The following MCMBP variants were observed in gnomAD, a reference collection of about 807,000 sequenced individuals.
The protein encoded by MCMBP is minichromosome maintenance complex binding protein.
MCMBP carries 31 observed loss-of-function variants against 81.3 expected under a neutral mutation model. The ratio of observed to expected loss-of-function variants is 0.38; its 90% CI spans 0.29 to 0.51. The LOEUF is 0.51. MCMBP is among the 20% of genes least tolerant of loss of function. MCMBP has a pLI of 0.87. For missense variants in MCMBP, 645 were observed against 772.1 expected, an observed-to-expected ratio of 0.84 and a Z score of 1.95; for synonymous variants, 267 against 275.9, an observed-to-expected ratio of 0.97 and a Z score of 0.32.
chr10:119,856,017 G>A (rs1376622425), intron 5 of MCMBP, among the ~76,000 whole-genome samples: 1 of 152,146 alleles, frequency 6.6e-6, no homozygotes, highest in Non-Finnish European at 1.5e-5. Flanking sequence ...GAAGTCAAGA[G>A]ATCGAGACCA....
At chr10:119,849,661 G>C in intron 6 of MCMBP, 85 bp from the exon 7 acceptor site, 1 of 1,219,578 alleles carries the variant, frequency 8.2e-7, no homozygotes, top group Non-Finnish European at 1.1e-6. Context: ...TTTCAAGTTT[G>C]ATATACGTGA....
chr10:119,858,794 A>G, intron 4 of MCMBP, 90 bp downstream of exon 4: 2 of 975,850 alleles, frequency 2.0e-6, no homozygotes, highest in East Asian at 5.2e-5. Flanking sequence ...CTTATACACA[A>G]GATAAATAAA....
At chr10:119,851,750 A>G (rs1368607891) in intron 6 of MCMBP, among the ~76,000 whole-genome samples, 3 of 152,248 alleles carry the variant, frequency 2.0e-5, no homozygotes, top group Non-Finnish European at 2.9e-5. Flanking sequence ...TTTTAAACAC[A>G]TTAAAATATA....
intron 13 of MCMBP, among the ~76,000 whole-genome samples, chr10:119,835,933 C>T (rs1852224313): frequency 6.6e-6 from 1 of 152,120 alleles, no homozygotes; most frequent in African/African-American, 2.4e-5. Context: ...GCTTCCCAGG[C>T]TCAAGTGATC....
At chr10:119,857,550 AGATT>A in intron 4 of MCMBP, 111 bp from the exon 5 acceptor site, 2 of 573,856 alleles carry the variant, frequency 3.5e-6, no homozygotes, top group Non-Finnish European at 3.0e-6. Flanking sequence ...AATATTTTAC[AGATT>A]AATTAACAAG....
chr10:119,862,610 T>G (rs1296514492), intron 1 of MCMBP, among the ~76,000 whole-genome samples: 1 of 152,234 alleles, frequency 6.6e-6, no homozygotes, highest in East Asian at 1.9e-4. Flanking sequence ...ACATTTAGAT[T>G]GTCTTCAGGT....
intron 15 of MCMBP, 73 bp from the exon 16 acceptor site, chr10:119,831,673 GGAATACTTT>G: frequency 6.5e-7 from 1 of 1,538,716 alleles, no homozygotes; most frequent in South Asian, 1.2e-5. Flanking sequence ...TTAAGACCTA[GGAATACTTT>G]GTGAAAACAC....
Position 119,838,767 on chromosome 10 carries a change from G to T in MCMBP, c.1243-67C>A, listed in dbSNP as rs1852337916. On this transcript the variant is annotated intron_variant, in intron 11 of 15. Transcript: ENST00000369077. The stretch of plus-strand genomic sequence containing the variant: ...CCTGTTTTAAGAAAATATGTACTTG[G>T]AATTAAACATTGTGTTTCATATGGA... 3 of 1,367,874 alleles carry T rather than the reference G, an allele frequency of 2.2e-6. No homozygotes were observed. The East Asian group carries it at 7.1e-5, about 32-fold the overall frequency. The allele number at this position is 1,367,874 out of a possible 1,614,324, so 84.7% of individuals were successfully genotyped here.
chr10:119,851,969 A>G (rs2134374555), intron 6 of MCMBP, among the ~76,000 whole-genome samples: 1 of 151,974 alleles, frequency 6.6e-6, no homozygotes, highest in South Asian at 2.1e-4. Flanking sequence ...CCTGACCAAC[A>G]TGGAGAAACC....
At chr10:119,845,057 A>C (rs1852570261) in intron 8 of MCMBP, among the ~76,000 whole-genome samples, 1 of 152,184 alleles carries the variant, frequency 6.6e-6, no homozygotes, top group Admixed American at 6.5e-5. Flanking sequence ...CTATCCTATC[A>C]GTTCTGACCC....
At chr10:119,844,790 CT>C (rs1270084885) in intron 8 of MCMBP, among the ~76,000 whole-genome samples, 2 of 149,100 alleles carry the variant, frequency 1.3e-5, no homozygotes, top group Admixed American at 6.6e-5. Context: ...CCGCCTCCAC[CT>C]TTCTCTCATG....
chr10:119,841,061 A>T, intron 10 of MCMBP, 101 bp from the exon 11 acceptor site: 1 of 733,598 alleles, frequency 1.4e-6, no homozygotes, highest in South Asian at 1.6e-5. Flanking sequence ...GTCATTAAAA[A>T]TAAACCAGAA....
At chr10:119,873,113 T>C (rs1371336683), upstream of MCMBP, among the ~76,000 whole-genome samples, 1 of 152,042 alleles carries the variant, frequency 6.6e-6, no homozygotes, top group Non-Finnish European at 1.5e-5. Flanking sequence ...ATAGTGGGCT[T>C]ATAAGAGGGC....
At chr10:119,859,919 C>G in intron 1 of MCMBP, 35 bp from the exon 2 acceptor site, 2 of 1,463,670 alleles carry the variant, frequency 1.4e-6, no homozygotes, top group South Asian at 2.3e-5. Flanking sequence ...AGCTAATGTA[C>G]ATGCAATATA....
Position 119,843,447 on chromosome 10 carries a change from T to TTCAATTTAGAGAGACATCA in MCMBP, c.828-40_828-22dup. 3 of 1,604,084 alleles carry TTCAATTTAGAGAGACATCA rather than the reference T, an allele frequency of 1.9e-6. No homozygotes were observed. In the South Asian group the frequency reaches 3.3e-5, roughly 18 times the overall value. On this transcript the variant is annotated intron_variant, in intron 8 of 15. Transcript: ENST00000369077. ...CATCCCTGTGGAGAGGTGATAAAGTTTCAATTTAGAGAGACATCAATTGCA... is the reference window on the plus strand; with the variant it reads ...CATCCCTGTGGAGAGGTGATAAAGTTTCAATTTAGAGAGACATCATCAATTTAGAGAGACATCAATTGCA...
chr10:119,847,806 A>C, intron 7 of MCMBP, 93 bp from the exon 8 acceptor site: 1 of 662,496 alleles, frequency 1.5e-6, no homozygotes, highest in Non-Finnish European at 2.5e-6. Flanking sequence ...ATTTTAGATC[A>C]GGAAACAGAC....
chr10:119,838,721 G>C (rs1192848107), intron 11 of MCMBP, 21 bp from the exon 12 acceptor site: 2 of 1,580,092 alleles, frequency 1.3e-6, no homozygotes, highest in Non-Finnish European at 1.7e-6. Context: ...AAATTTTTTA[G>C]TGAACAAGAA....
At chr10:119,853,942 G>C (rs1213684944) in intron 5 of MCMBP, among the ~76,000 whole-genome samples, 1 of 152,144 alleles carries the variant, frequency 6.6e-6, no homozygotes, top group Non-Finnish European at 1.5e-5. Context: ...GCTAACATCT[G>C]TAAATCCAAC....
At chr10:119,836,822 G>T in intron 13 of MCMBP, 74 bp downstream of exon 13, 4 of 683,900 alleles carry the variant, frequency 5.8e-6, no homozygotes, top group Admixed American at 3.3e-5. Context: ...TTAATAAGCG[G>T]TACCAAGAAA....
Sources: gnomAD v4.1 joint callset for allele counts (sites outside exome capture counted in the v4.1 genomes callset) on GRCh38, gnomAD v4.1.1 for gene constraint, MANE v1.5 for transcripts, NCBI Gene and HGNC (gene_info 2026-07-23, HGNC 2026-07-21) for gene names.